NAV2: variants seen among roughly 807,000 people sequenced by gnomAD.
NAV2 encodes helicase, APC down-regulated 1.
Under a neutral mutation model 223.2 loss-of-function variants are expected in NAV2, and 54 were observed. That is an observed-to-expected ratio of 0.24 (90% CI 0.19 to 0.30). The LOEUF (loss-of-function observed/expected upper bound fraction) is 0.30. Among genes scored for constraint, NAV2 ranks in the 10% least tolerant of loss-of-function variants. The probability of loss-of-function intolerance (pLI) is 1.00; values close to 1 mark genes in which losing one functional copy is unlikely to be tolerated. For missense variants in NAV2, 2,806 were observed against 3,147.5 expected (o/e 0.89, Z 2.60); for synonymous variants, 1,279 against 1,239.3 (o/e 1.03, Z -0.67).
intron 1 of NAV2, among the ~76,000 whole-genome samples, chr11:19,397,132 G>A (rs1849481725): frequency 6.6e-6 from 1 of 152,136 alleles, no homozygotes; most frequent in Non-Finnish European, 1.5e-5. Flanking sequence ...AAACCCAGAG[G>A]GCTATGGGGA....
chr11:19,855,635 C>T (rs1312816549), intron 3 of NAV2, among the ~76,000 whole-genome samples: 4 of 152,246 alleles, frequency 2.6e-5, no homozygotes, highest in Middle Eastern at 3.4e-3. Flanking sequence ...GCATGCATTC[C>T]GGGTTTCCAC....
intron 1 of NAV2, among the ~76,000 whole-genome samples, chr11:19,741,890 A>C (rs1415183750): frequency 2.0e-5 from 3 of 152,014 alleles, no homozygotes; most frequent in Admixed American, 6.6e-5. Flanking sequence ...TTGCTGGGTC[A>C]TACGGCATTT....
chr11:19,365,536 T>C (rs1485568769), intron 1 of NAV2, among the ~76,000 whole-genome samples: 1 of 152,148 alleles, frequency 6.6e-6, no homozygotes, highest in Non-Finnish European at 1.5e-5. Flanking sequence ...AATGAGAAAA[T>C]ACAAGCACTT....
At chr11:19,534,502 A>T (rs112314345) in intron 1 of NAV2, among the ~76,000 whole-genome samples, 2,743 of 152,212 alleles carry the variant, frequency 0.018, 84 homozygotes, top group African/African-American at 0.054. Flanking sequence ...AAAAGAGGTG[A>T]GAGAGAGAGA....
chr11:19,802,819 CCA>C (rs2058347593), intron 1 of NAV2, among the ~76,000 whole-genome samples: 1 of 152,074 alleles, frequency 6.6e-6, no homozygotes, highest in Admixed American at 6.6e-5. Flanking sequence ...CTCTGCTCTC[CCA>C]CACAAATCAG....
chr11:19,510,922 C>T (rs952102528), intron 1 of NAV2: 1 of 152,194 alleles, frequency 6.6e-6, no homozygotes, highest in Non-Finnish European at 1.5e-5. Context: ...TATTTATAAA[C>T]TCAAAAAGGG....
At chr11:19,682,377 C>T (rs1029948634) in intron 1 of NAV2, among the ~76,000 whole-genome samples, 5 of 152,152 alleles carry the variant, frequency 3.3e-5, no homozygotes, top group Non-Finnish European at 5.9e-5. Flanking sequence ...TAGAGAAGTT[C>T]GTAAACTGCC....
chr11:19,793,650 G>A (rs1020553657), intron 1 of NAV2, among the ~76,000 whole-genome samples: 2 of 152,210 alleles, frequency 1.3e-5, no homozygotes, highest in Non-Finnish European at 2.9e-5. Context: ...GGTGGCCAGA[G>A]TGGCCTATGG....
chr11:19,669,266 T>A (rs58648675), intron 1 of NAV2, among the ~76,000 whole-genome samples: 1 of 152,198 alleles, frequency 6.6e-6, no homozygotes, highest in Admixed American at 6.5e-5. Flanking sequence ...GCACTGTCAC[T>A]CCAGTGTTCT....
At chr11:20,020,008 A>AAG (rs3044360) in intron 11 of NAV2, among the ~76,000 whole-genome samples, 4 of 151,676 alleles carry the variant, frequency 2.6e-5, no homozygotes, top group African/African-American at 9.7e-5. Context: ...AAAAAAAAAA[A>AAG]GTTTTTGTTT....
intron 10 of NAV2, among the ~76,000 whole-genome samples, chr11:19,970,398 G>A (rs1427722757): frequency 1.3e-5 from 2 of 152,122 alleles, no homozygotes; most frequent in African/African-American, 2.4e-5. Context: ...TGAACTCCTG[G>A]CCTCAAGGGA....
intron 1 of NAV2, among the ~76,000 whole-genome samples, chr11:19,399,909 C>T (rs573797939): frequency 1.3e-5 from 2 of 152,132 alleles, no homozygotes; most frequent in African/African-American, 2.4e-5. Context: ...AGCCTGGGGT[C>T]AGATGGGCTT....
At chr11:19,680,238 G>C (rs1448721386) in intron 1 of NAV2, among the ~76,000 whole-genome samples, 1 of 152,092 alleles carries the variant, frequency 6.6e-6, no homozygotes, top group African/African-American at 2.4e-5. Flanking sequence ...CCTCTTTAGA[G>C]CGTTTTCCTG....
intron 1 of NAV2, among the ~76,000 whole-genome samples, chr11:19,663,101 C>T (rs2048329853): frequency 6.6e-6 from 1 of 152,166 alleles, no homozygotes; most frequent in Non-Finnish European, 1.5e-5. Flanking sequence ...TGACTCTGTT[C>T]TCATCACATC....
intron 13 of NAV2, among the ~76,000 whole-genome samples, chr11:20,044,606 G>A (rs537568193): frequency 6.6e-6 from 1 of 152,206 alleles, no homozygotes; most frequent in Admixed American, 6.5e-5. Context: ...CCTGACTTAG[G>A]GAATATTTAT....
intron 1 of NAV2, among the ~76,000 whole-genome samples, chr11:19,624,747 GCTGCACCCACTGTC>G (rs142982857): frequency 0.12 from 18,083 of 152,138 alleles, 2,929 homozygotes; most frequent in African/African-American, 0.37. Flanking sequence ...CGCTTGGTGA[GCTGCACCCACTGTC>G]CTGCACCCAC....
Position 19,626,897 on chromosome 11 carries a change from A to G in NAV2, c.76-205587A>G, listed in dbSNP as rs533730498. 1.1e-4 allele frequency among the ~76,000 whole-genome samples: 17 copies of G among 152,322 alleles called. No individual in the cohort carries two copies. The East Asian group carries it at 3.3e-3, about 29-fold the overall frequency. ...CTTCTCTGACTCTGTTTTCTTAATTATAAAATGGGAATAACACCAACCTCA... is the reference window on the plus strand; with the variant it reads ...CTTCTCTGACTCTGTTTTCTTAATTGTAAAATGGGAATAACACCAACCTCA... On this transcript the variant is annotated intron_variant, in intron 1 of 37. Transcript: ENST00000360655.
At position 19,975,881 on chromosome 11, in the gene NAV2, C is replaced by T. The variant is rs117397486; in HGVS notation, c.2646-8244C>T. Among the ~76,000 whole-genome samples the T allele has an allele frequency of 1.7e-4, 26 of 152,260 alleles. No homozygotes were observed. In the East Asian group the frequency reaches 3.5e-3, roughly 20 times the overall value. On this transcript the variant is annotated intron_variant, in intron 10 of 37. Transcript: ENST00000349880. The stretch of plus-strand genomic sequence containing the variant: ...ACTCATGCTGGATGTGAATTTTGCA[C>T]ATATGTGAGATGAGGTCCCTAGCTT...
chr11:19,981,177 G>A (rs2050253196), intron 10 of NAV2: 1 of 152,144 alleles, frequency 6.6e-6, no homozygotes, highest in African/African-American at 2.4e-5. Context: ...ATTTAGCTTT[G>A]CCTTTCCCCT....
Sources: allele counts gnomAD v4.1 joint callset (sites outside exome capture counted in the v4.1 genomes callset), GRCh38; gene constraint gnomAD v4.1.1; transcripts MANE v1.5; gene names NCBI Gene and HGNC (gene_info 2026-07-23, HGNC 2026-07-21).